The following PITHD1 variants were observed in gnomAD, a reference collection of about 807,000 sequenced individuals.
PITHD1 encodes the protein PITH domain-containing protein 1.
A neutral mutation model predicts 27.5 loss-of-function variants in PITHD1; 8 were observed. The ratio of observed to expected loss-of-function variants is 0.29; its 90% CI spans 0.17 to 0.52. The LOEUF is 0.52. PITHD1 is among the 20% of genes least tolerant of loss of function. The pLI is 0.96. For missense variants in PITHD1, 233 were observed against 283.9 expected (o/e 0.82, Z 1.29); for synonymous variants, 118 against 106.8 (o/e 1.10, Z -0.64).
At chr1:23,783,388 T>C (rs1474989585) in intron 3 of PITHD1, among the ~76,000 whole-genome samples, 2 of 108,980 alleles carry the variant, frequency 1.8e-5, no homozygotes, top group South Asian at 3.4e-4. Flanking sequence ...TGTGTATATA[T>C]ACATATATAC....
chr1:23,780,886 TAAAAAC>T (rs1327460739), intron 3 of PITHD1, among the ~76,000 whole-genome samples: 3 of 145,608 alleles, frequency 2.1e-5, no homozygotes, highest in African/African-American at 7.7e-5. Flanking sequence ...AAAGTAATAA[TAAAAAC>T]AAATAAATAA....
In PITHD1 at chr1:23,786,747, G is replaced by A. The variant is rs181774095; in HGVS notation, c.534+324G>A. On this transcript the variant is annotated intron_variant, in intron 5 of 5. Coordinates refer to ENST00000246151, the MANE Select transcript of PITHD1 (RefSeq NM_020362.5). The stretch of plus-strand genomic sequence containing the variant: ...TGGGATTACAGGTGCCCACTCCCAC[G>A]CCTGGCTAATTTTTTTGTATTTTTA... 6.8e-3 allele frequency among the ~76,000 whole-genome samples: 1,028 copies of A among 151,416 alleles called. 11 individuals are homozygous for A. The highest frequency in any genetic ancestry group is 0.023 in the African/African-American group (964 of 41,270).
Position 23,778,522 on chromosome 1 carries a change from C to A in PITHD1, c.7C>A (p.His3Asn). ...CGCAGGTGGCGGCGTTGCCATGTCG[C>A]ACGGTCACAGCCACGGCGGGGGTGG... MS[H>N]GHSHGGGGCR... The change falls in exon 1 of 6, where the codon CAC becomes AAC. Residue 3 changes from histidine (H) to asparagine (N), a missense_variant. By Grantham distance (68) the His-to-Asn change is moderately conservative. Transcript: ENST00000246151. 1 of 1,349,588 alleles carries A rather than the reference C, an allele frequency of 7.4e-7. No homozygotes were observed. Among genetic ancestry groups the A allele is most frequent in the South Asian group, 1.9e-5 (1 of 53,678 alleles). 83.6% of individuals were successfully genotyped at this position (1,349,588 alleles called of 1,614,324 possible). A position where few individuals can be genotyped will look rare whatever the true frequency, so the allele number is the denominator to read the frequency against.
intron 5 of PITHD1, 45 bp from the exon 6 acceptor site, chr1:23,787,230 C>G (rs761003625): frequency 3.1e-6 from 4 of 1,274,452 alleles, no homozygotes; most frequent in Non-Finnish European, 4.6e-6. Flanking sequence ...TGGGAAAGGA[C>G]AGTTCTTTTA....
intron 3 of PITHD1, among the ~76,000 whole-genome samples, chr1:23,781,322 G>C (rs993245566): frequency 1.3e-5 from 2 of 152,136 alleles, no homozygotes; most frequent in African/African-American, 4.8e-5. Context: ...AATTAGCTGG[G>C]TGCGGTGGCA....
At chr1:23,787,159 G>A (rs374145951) in intron 5 of PITHD1, 116 bp from the exon 6 acceptor site, 43 of 598,782 alleles carry the variant, frequency 7.2e-5, no homozygotes, top group East Asian at 2.8e-4. Flanking sequence ...AAAATAAGGA[G>A]ATATTAAATG....
At chr1:23,779,029 T>C (rs1638555427) in intron 1 of PITHD1, among the ~76,000 whole-genome samples, 1 of 152,120 alleles carries the variant, frequency 6.6e-6, no homozygotes, top group African/African-American at 2.4e-5. Context: ...CCTCATCATA[T>C]TACCTGGTGA....
At chr1:23,787,170 A>G (rs1638697686) in intron 5 of PITHD1, 105 bp from the exon 6 acceptor site, 1 of 642,530 alleles carries the variant, frequency 1.6e-6, no homozygotes, top group African/African-American at 1.8e-5. Flanking sequence ...ATATTAAATG[A>G]TGACTCCTAG....
chr1:23,779,345 C>T lies in PITHD1; in HGVS notation c.199-93C>T, dbSNP rs901868862. Reference sequence around the variant, plus strand: ...AGGGAGAGTGACTCTTCCCATTGCACCCCAGTTGTAGAGCAGGGTGGGAGA... The same window carrying T: ...AGGGAGAGTGACTCTTCCCATTGCATCCCAGTTGTAGAGCAGGGTGGGAGA... On this transcript the variant is annotated intron_variant, in intron 1 of 5. Coordinates refer to ENST00000246151, the MANE Select transcript of PITHD1 (RefSeq NM_020362.5). The T allele has an allele frequency of 7.8e-5, 73 of 931,696 alleles. 1 individual carries two copies. Among genetic ancestry groups the T allele is most frequent in the Non-Finnish European group, 1.1e-4 (64 of 572,974 alleles). The allele number at this position is 931,696 out of a possible 1,614,324, so 57.7% of individuals were successfully genotyped here.
chr1:23,786,311 C>G lies in PITHD1; in HGVS notation c.426-4C>G. Reference sequence around the variant, plus strand: ...CTTCTTTCCCTATTCCTGTCATCCTCTAGAATTTCTCGTTTTTCAAATGTC... The same window carrying G: ...CTTCTTTCCCTATTCCTGTCATCCTGTAGAATTTCTCGTTTTTCAAATGTC... On this transcript the variant is annotated splice_region_variant and splice_polypyrimidine_tract_variant and intron_variant, in intron 4 of 5. Transcript: ENST00000246151. 7.3e-7 allele frequency: 1 copy of G among 1,372,558 alleles called. No individual in the cohort carries two copies. 85.0% of individuals were successfully genotyped at this position (1,372,558 alleles called of 1,614,324 possible).
intron 3 of PITHD1, among the ~76,000 whole-genome samples, chr1:23,783,782 A>G (rs149567639): frequency 3.3e-5 from 5 of 152,060 alleles, no homozygotes; most frequent in African/African-American, 4.8e-5. Context: ...AGGTGAAATG[A>G]TGTGTCTGGG....
At chr1:23,778,826 T>G in intron 1 of PITHD1, 113 bp downstream of exon 1, 16 of 574,282 alleles carry the variant, frequency 2.8e-5, no homozygotes, top group East Asian at 3.5e-5. Flanking sequence ...CCAAGCGCTT[T>G]TCCGTGCCTG....
chr1:23,788,023 A>G lies in PITHD1; in HGVS notation c.*647A>G, dbSNP rs1638711288. The G allele has an allele frequency of 6.6e-6, 1 of 152,250 alleles. No individual in the cohort carries two copies. The allele number at this position is 152,250 out of a possible 1,614,324, so 9.4% of individuals were successfully genotyped here. A position where few individuals can be genotyped will look rare whatever the true frequency, so the allele number is the denominator to read the frequency against. ...CACTGCCTAGCTAAGCAGTCTGGGGAGAGCATGGGGATCATTTCTATGTGT... is the reference window on the plus strand; with the variant it reads ...CACTGCCTAGCTAAGCAGTCTGGGGGGAGCATGGGGATCATTTCTATGTGT... On this transcript the variant is annotated 3_prime_UTR_variant, in exon 6 of 6. Transcript: ENST00000246151.
At chr1:23,779,337 C>T (rs1433143108) in intron 1 of PITHD1, 101 bp from the exon 2 acceptor site, 1 of 864,812 alleles carries the variant, frequency 1.2e-6, no homozygotes, top group African/African-American at 1.7e-5. Context: ...GTGACTCTTC[C>T]CATTGCACCC....
intron 3 of PITHD1, among the ~76,000 whole-genome samples, chr1:23,780,861 TGA>T (rs956457843): frequency 3.4e-5 from 5 of 148,760 alleles, no homozygotes; most frequent in Non-Finnish European, 7.4e-5. Flanking sequence ...GATGACAGAA[TGA>T]GACCCCATCT....
intron 5 of PITHD1, 42 bp from the exon 6 acceptor site, chr1:23,787,233 T>A: frequency 7.3e-7 from 1 of 1,371,638 alleles, no homozygotes; most frequent in Non-Finnish European, 1.0e-6. Flanking sequence ...GAAAGGACAG[T>A]TCTTTTAATG....
At chr1:23,778,761 C>T in intron 1 of PITHD1, 48 bp downstream of exon 1, 1 of 1,098,520 alleles carries the variant, frequency 9.1e-7, no homozygotes, top group Non-Finnish European at 1.2e-6. Context: ...GCGTGTGGGG[C>T]CTCGGGCCGT....
chr1:23,786,566 T>G (rs1466559338), intron 5 of PITHD1, 143 bp downstream of exon 5: 7 of 321,404 alleles, frequency 2.2e-5, no homozygotes, highest in Non-Finnish European at 4.2e-5. Flanking sequence ...GTATAAACTT[T>G]TCGTCTCATT....
rs201982485 is a variant in PITHD1 at position 23,779,817 on chromosome 1, G to T, written c.243-47G>T. 3.3e-4 allele frequency: 455 copies of T among 1,390,330 alleles called. 1 individual carries two copies. In the African/African-American group the frequency reaches 5.5e-3, roughly 17 times the overall value. The allele number at this position is 1,390,330 out of a possible 1,614,324, so 86.1% of individuals were successfully genotyped here. A position where few individuals can be genotyped will look rare whatever the true frequency, so the allele number is the denominator to read the frequency against. ...TTGCCCAGGGTCACACAACTAAACAGGTATTCAAACTCAGGTTTGACAACC... is the reference window on the plus strand; with the variant it reads ...TTGCCCAGGGTCACACAACTAAACATGTATTCAAACTCAGGTTTGACAACC... On this transcript the variant is annotated intron_variant, in intron 2 of 5. Transcript: ENST00000246151.
Sources: allele counts gnomAD v4.1 joint callset (sites outside exome capture counted in the v4.1 genomes callset), GRCh38; gene constraint gnomAD v4.1.1; transcripts MANE v1.5; gene names NCBI Gene and HGNC (gene_info 2026-07-23, HGNC 2026-07-21).